POLA1: variants seen among roughly 807,000 people sequenced by gnomAD.
POLA1 encodes DNA polymerase alpha 1, catalytic subunit, also known as DNA polymerase alpha catalytic subunit.
Under a neutral mutation model 124.0 loss-of-function variants are expected in POLA1, and 15 were observed. The ratio of observed to expected loss-of-function variants is 0.12; its 90% confidence interval spans 0.08 to 0.19. The LOEUF (loss-of-function observed/expected upper bound fraction) is 0.19, where lower values mean the gene tolerates loss of function less well. Among genes scored for constraint, POLA1 ranks in the 10% least tolerant of loss-of-function variants. The pLI is 1.00. For missense variants in POLA1, 886 were observed against 1,103.4 expected, an observed-to-expected ratio of 0.80 and a Z score of 2.79; for synonymous variants, 408 against 389.4, an observed-to-expected ratio of 1.05 and a Z score of -0.56.
chrX:24,863,859 G>A (rs1424986633), intron 34 of POLA1, among the ~76,000 whole-genome samples: 1 of 111,017 alleles, frequency 9.0e-6, no homozygotes, highest in Non-Finnish European at 1.9e-5. Context: ...ACATACCTAT[G>A]TTCAGTGTTA....
At chrX:24,967,221 GTTT>G (rs34398619) in intron 36 of POLA1, among the ~76,000 whole-genome samples, 3 of 98,221 alleles carry the variant, frequency 3.1e-5, no homozygotes, top group African/African-American at 7.4e-5. Flanking sequence ...ATTTTTAACT[GTTT>G]TTTTTTTTTT....
chrX:24,774,692 A>G (rs1181006649), intron 26 of POLA1, among the ~76,000 whole-genome samples: 1 of 112,480 alleles, frequency 8.9e-6, no homozygotes, highest in Non-Finnish European at 1.9e-5. Context: ...GCCTTATGCT[A>G]TTTAAAGGTA....
intron 10 of POLA1, among the ~76,000 whole-genome samples, chrX:24,722,617 G>T (rs549769012): frequency 8.9e-6 from 1 of 112,681 alleles, no homozygotes; most frequent in East Asian, 2.8e-4. Context: ...GTTTTTATAG[G>T]TAAATACAAG....
intron 32 of POLA1, among the ~76,000 whole-genome samples, chrX:24,831,771 G>C (rs1194947219): frequency 8.9e-6 from 1 of 112,449 alleles, no homozygotes; most frequent in South Asian, 3.7e-4. Context: ...ATTAAAAAAT[G>C]TTATACCAAA....
intron 10 of POLA1, among the ~76,000 whole-genome samples, chrX:24,721,958 A>G (rs1384073421): frequency 9.1e-6 from 1 of 110,430 alleles, no homozygotes; most frequent in Non-Finnish European, 1.9e-5. Context: ...ATCTTCCCAT[A>G]GTCCTTCCTT....
intron 16 of POLA1, among the ~76,000 whole-genome samples, chrX:24,733,062 C>T (rs1931033543): frequency 8.9e-6 from 1 of 111,952 alleles, no homozygotes; most frequent in Non-Finnish European, 1.9e-5. Context: ...GGAATAATAC[C>T]ATTGACCTAT....
intron 36 of POLA1, among the ~76,000 whole-genome samples, chrX:24,968,690 G>C (rs1434919981): frequency 1.1e-5 from 1 of 92,849 alleles, no homozygotes; most frequent in Admixed American, 1.2e-4. Flanking sequence ...GCGACAGAGC[G>C]AGACTCCATC....
chrX:24,917,531 T>G (rs1229903577), intron 35 of POLA1, among the ~76,000 whole-genome samples: 1 of 112,034 alleles, frequency 8.9e-6, no homozygotes, highest in African/African-American at 3.2e-5. Context: ...CAAAATATCA[T>G]GGAGGAAAAT....
At chrX:24,743,385 G>A in intron 23 of POLA1, 56 bp downstream of exon 23, 1 of 597,522 alleles carries the variant, frequency 1.7e-6, no homozygotes, top group East Asian at 3.5e-5. Flanking sequence ...TCTTAATGTG[G>A]ATCTAGGCTT....
At chrX:24,773,959 A>G (rs972506496) in intron 26 of POLA1, among the ~76,000 whole-genome samples, 3 of 111,967 alleles carry the variant, frequency 2.7e-5, no homozygotes, top group Non-Finnish European at 3.8e-5. Flanking sequence ...GCTCTACTCA[A>G]TAGTGGAGTT....
intron 2 of POLA1, among the ~76,000 whole-genome samples, chrX:24,701,841 C>A (rs1450174931): frequency 9.2e-6 from 1 of 109,008 alleles, no homozygotes; most frequent in African/African-American, 3.4e-5. Context: ...GCAACCTCCA[C>A]CTCCCAGGTT....
At chrX:24,769,420 C>T (rs747377139) in intron 26 of POLA1, among the ~76,000 whole-genome samples, 1 of 111,594 alleles carries the variant, frequency 9.0e-6, no homozygotes, top group Non-Finnish European at 1.9e-5. Flanking sequence ...TGTAATGCTT[C>T]CTTCCAGGGC....
intron 36 of POLA1, among the ~76,000 whole-genome samples, chrX:24,951,342 T>TC (rs2048039534): frequency 8.9e-4 from 9 of 10,169 alleles, no homozygotes; most frequent in South Asian, 0.015. Context: ...AACACCTCCC[T>TC]ACCCCCCCCC....
chrX:24,771,670 G>C (rs931673630), intron 26 of POLA1, among the ~76,000 whole-genome samples: 5 of 111,531 alleles, frequency 4.5e-5, no homozygotes, highest in Non-Finnish European at 7.5e-5. Flanking sequence ...CAATTTTTCA[G>C]CACTTTATGG....
At chrX:24,716,229 G>C (rs1171066897) in intron 6 of POLA1, 133 bp from the exon 7 acceptor site, 3 of 396,865 alleles carry the variant, frequency 7.6e-6, no homozygotes, top group Non-Finnish European at 1.3e-5. Flanking sequence ...ACATGACATC[G>C]ATGGGAGGGG....
chrX:24,919,849 T>G (rs1181954996), intron 35 of POLA1, among the ~76,000 whole-genome samples: 7 of 88,003 alleles, frequency 8.0e-5, no homozygotes, highest in Admixed American at 4.9e-4. Flanking sequence ...TTTTCTGTTT[T>G]TTTTTTTTTT....
At chrX:24,866,323 T>G (rs774901849) in intron 34 of POLA1, among the ~76,000 whole-genome samples, 1 of 112,125 alleles carries the variant, frequency 8.9e-6, no homozygotes, top group Non-Finnish European at 1.9e-5. Flanking sequence ...TTGCCTTAGT[T>G]TTGCTTCTGA....
intron 36 of POLA1, among the ~76,000 whole-genome samples, chrX:24,980,561 C>G (rs2048409556): frequency 8.9e-6 from 1 of 111,888 alleles, no homozygotes; most frequent in African/African-American, 3.2e-5. Flanking sequence ...TTGACAGTTG[C>G]TTGATAACAG....
chrX:24,897,577 T>G, intron 35 of POLA1, among the ~76,000 whole-genome samples: 1 of 112,103 alleles, frequency 8.9e-6, no homozygotes, highest in African/African-American at 3.2e-5. Context: ...CTTGTTTCCA[T>G]TTCCAGTTCT....
Sources: allele counts gnomAD v4.1 joint callset (sites outside exome capture counted in the v4.1 genomes callset), GRCh38; gene constraint gnomAD v4.1.1; transcripts MANE v1.5; gene names NCBI Gene and HGNC (gene_info 2026-07-23, HGNC 2026-07-21).